The following RAI14 variants were observed in gnomAD, a reference collection of about 807,000 sequenced individuals.
The protein encoded by RAI14 is ankycorbin.
RAI14 carries 45 observed loss-of-function variants against 115.4 expected under a neutral mutation model. The ratio of observed to expected loss-of-function variants is 0.39; its 90% CI spans 0.31 to 0.50. The LOEUF (loss-of-function observed/expected upper bound fraction) is 0.50. Ranked by LOEUF, RAI14 falls within the 20% of genes least tolerant of loss-of-function variation. The probability of loss-of-function intolerance (pLI) is 0.85; values close to 1 mark genes in which losing one functional copy is unlikely to be tolerated. For synonymous variants in RAI14, 371 were observed against 415.4 expected (o/e 0.89, Z 1.30); for missense variants, 939 against 1,131.2 (o/e 0.83, Z 2.44).
intron 2 of RAI14, among the ~76,000 whole-genome samples, chr5:34,714,743 T>A (rs1209467460): frequency 6.6e-6 from 1 of 152,224 alleles, no homozygotes; most frequent in Non-Finnish European, 1.5e-5. Flanking sequence ...GGATTCTGTT[T>A]TTTATTTACT....
At chr5:34,663,165 C>T (rs1742831735) in intron 1 of RAI14, among the ~76,000 whole-genome samples, 1 of 152,054 alleles carries the variant, frequency 6.6e-6, no homozygotes, top group South Asian at 2.1e-4. Context: ...AAAAATTAGC[C>T]TCGTCTTTGA....
chr5:34,806,920 C>T (rs1049956253), intron 5 of RAI14, among the ~76,000 whole-genome samples: 4 of 152,156 alleles, frequency 2.6e-5, no homozygotes, highest in African/African-American at 4.8e-5. Flanking sequence ...CCATTTACTG[C>T]GACTTGAGCA....
At chr5:34,717,681 A>G (rs553900895) in intron 2 of RAI14, among the ~76,000 whole-genome samples, 8 of 151,818 alleles carry the variant, frequency 5.3e-5, no homozygotes. Context: ...CAGTCACCCC[A>G]CCCATGCCCG....
At chr5:34,695,810 T>TA (rs917918696) in intron 2 of RAI14, among the ~76,000 whole-genome samples, 10 of 151,022 alleles carry the variant, frequency 6.6e-5, no homozygotes, top group Non-Finnish European at 1.0e-4. Context: ...TTCCTTTTTT[T>TA]TTTTTTTTTT....
intron 17 of RAI14, 34 bp from the exon 18 acceptor site, chr5:34,830,654 G>A: frequency 6.2e-7 from 1 of 1,613,538 alleles, no homozygotes. Context: ...CTTAATTTAG[G>A]TTCTAATGAG....
rs35952675 is a variant in RAI14 at position 34,674,897 on chromosome 5, AT to A, written c.-48-11957del. 5.8e-3 allele frequency among the ~76,000 whole-genome samples: 757 copies of A among 130,328 alleles called. 2 individuals carry two copies. The highest frequency in any genetic ancestry group is 0.014 in the African/African-American group (522 of 37,202). 85.5% of individuals were successfully genotyped at this position (130,328 alleles called of 152,430 possible). The stretch of plus-strand genomic sequence containing the variant: ...AGCCACCATGCTCAGACTTCATTGG[AT>A]TTTTTTTTTTTTTTTTTGAGACTGA... On this transcript the variant is annotated intron_variant, in intron 1 of 17. Transcript: ENST00000265109.
At chr5:34,770,350 A>C (rs1459733595) in intron 3 of RAI14, among the ~76,000 whole-genome samples, 1 of 152,214 alleles carries the variant, frequency 6.6e-6, no homozygotes, top group African/African-American at 2.4e-5. Context: ...TGACGTGAGA[A>C]AACTCAAAAA....
At position 34,744,255 on chromosome 5, in the gene RAI14, A is replaced by G. The variant is rs146700666; in HGVS notation, c.37-13213A>G. On this transcript the variant is annotated intron_variant, in intron 2 of 17. Transcript: ENST00000265109. ...GTACCTCCCTTTAAGCAATGAATGA[A>G]TGTTTGAGTAGATCAAATCCTATAT... is the stretch of plus-strand genomic sequence containing the variant. Among the ~76,000 whole-genome samples, 297 of 152,334 alleles carry G rather than the reference A, an allele frequency of 1.9e-3. 1 individual carries two copies. Among genetic ancestry groups the G allele is most frequent in the African/African-American group, 6.7e-3 (280 of 41,588 alleles).
rs73078685 is a variant in RAI14 at position 34,826,987 on chromosome 5, T to A, written c.2799+508T>A. ...AATTTGGTTTAAAACAACATGAGTG[T>A]ATTATTTTACAGTTGCATTGAACTG... On this transcript the variant is annotated intron_variant, in intron 16 of 17. Transcript: ENST00000265109. 3.1e-3 allele frequency among the ~76,000 whole-genome samples: 465 copies of A among 152,324 alleles called. 3 individuals carry two copies. The highest frequency in any genetic ancestry group is 0.011 in the African/African-American group (456 of 41,568).
At position 34,821,726 on chromosome 5, in the gene RAI14, C is replaced by T. The variant is rs756684502; in HGVS notation, c.995-6C>T. Reference sequence around the variant, plus strand: ...TTATATTTTAAATGGCTTTCTCTTTCCCAAGGTGCTGATAGCTTATTGGAT... The same window carrying T: ...TTATATTTTAAATGGCTTTCTCTTTTCCAAGGTGCTGATAGCTTATTGGAT... On this transcript the variant is annotated splice_region_variant and splice_polypyrimidine_tract_variant and intron_variant, in intron 13 of 17. Transcript: ENST00000265109. 2.0e-6 allele frequency: 3 copies of T among 1,508,314 alleles called. No homozygotes were observed. Among genetic ancestry groups the T allele is most frequent in the South Asian group, 1.1e-5 (1 of 88,008 alleles). 93.4% of individuals were successfully genotyped at this position (1,508,314 alleles called of 1,614,324 possible).
chr5:34,793,673 G>A (rs1580279837), intron 3 of RAI14, among the ~76,000 whole-genome samples: 1 of 152,308 alleles, frequency 6.6e-6, no homozygotes, highest in East Asian at 1.9e-4. Flanking sequence ...TTGGGTGTGT[G>A]TATATGCACA....
chr5:34,761,459 A>C (rs767116324), intron 3 of RAI14, among the ~76,000 whole-genome samples: 2 of 152,182 alleles, frequency 1.3e-5, no homozygotes, highest in East Asian at 3.9e-4. Context: ...GATTACAGGC[A>C]TGAGCCACCA....
chr5:34,665,582 T>C (rs765829262), intron 1 of RAI14, among the ~76,000 whole-genome samples: 9 of 151,740 alleles, frequency 5.9e-5, no homozygotes, highest in African/African-American at 9.7e-5. Flanking sequence ...GAGGCATAGA[T>C]GGACACTTGC....
At chr5:34,658,480 C>CT (rs973255036) in intron 1 of RAI14, among the ~76,000 whole-genome samples, 6 of 151,896 alleles carry the variant, frequency 4.0e-5, no homozygotes, top group East Asian at 3.9e-4. Context: ...TCCTTCTTTC[C>CT]TTTTTTTTCA....
chr5:34,776,088 A>G (rs1238937020), intron 3 of RAI14, among the ~76,000 whole-genome samples: 1 of 152,248 alleles, frequency 6.6e-6, no homozygotes, highest in Admixed American at 6.5e-5. Flanking sequence ...CTGTTCAGCC[A>G]TAAAAAAAGA....
At chr5:34,812,333 T>A in intron 10 of RAI14, 125 bp downstream of exon 10, 1 of 914,086 alleles carries the variant, frequency 1.1e-6, no homozygotes, top group Non-Finnish European at 1.7e-6. Context: ...ACTTAGGGAC[T>A]GAAATATCTT....
rs992344696 is a variant in RAI14, at chr5:34,798,186, C to T, written c.256+2159C>T. ...GAGTAACTCAGATTACAGGCACCCA[C>T]CACCACCACGCCCGGCTAATTTTTG... On this transcript the variant is annotated intron_variant, in intron 4 of 17. Transcript: ENST00000265109. 2.6e-5 allele frequency among the ~76,000 whole-genome samples: 4 copies of T among 152,160 alleles called. No individual in the cohort carries two copies. The South Asian group carries it at 8.3e-4, about 32-fold the overall frequency.
chr5:34,808,691 A>G lies in RAI14; in HGVS notation c.450+37A>G, dbSNP rs539098766. 621 of 1,589,316 alleles carry G rather than the reference A, an allele frequency of 3.9e-4. 2 individuals carry two copies. The highest frequency in any genetic ancestry group is 3.5e-4 in the Non-Finnish European group (406 of 1,157,870). On this transcript the variant is annotated intron_variant, in intron 7 of 17. Transcript: ENST00000265109. ...GTGGTCACTAGAGGCAGAGGTAGAC[A>G]TTGGTTTCTAGAGCTCAATGGGATA... is the stretch of plus-strand genomic sequence containing the variant.
chr5:34,813,819 G>T (rs1474888074), intron 11 of RAI14, among the ~76,000 whole-genome samples, 159 bp downstream of exon 11: 2 of 152,152 alleles, frequency 1.3e-5, no homozygotes, highest in Non-Finnish European at 2.9e-5. Flanking sequence ...TGGTAAGAAG[G>T]ATTGATGATT....
Sources: gnomAD v4.1 joint callset for allele counts (sites outside exome capture counted in the v4.1 genomes callset) on GRCh38, gnomAD v4.1.1 for gene constraint, MANE v1.5 for transcripts, NCBI Gene and HGNC (gene_info 2026-07-23, HGNC 2026-07-21) for gene names.